Variants in KDM1A observed in about 807,000 individuals in gnomAD.
KDM1A encodes lysine-specific histone demethylase 1A.
Under a neutral mutation model 109.4 loss-of-function variants are expected in KDM1A, and 49 were observed. The ratio of observed to expected loss-of-function variants is 0.45; its 90% CI spans 0.36 to 0.57. The LOEUF is 0.57. Ranked by LOEUF, KDM1A falls within the 20% of genes least tolerant of loss-of-function variation. The probability of loss-of-function intolerance (pLI) is 0.00; values close to 1 mark genes in which losing one functional copy is unlikely to be tolerated. For synonymous variants in KDM1A, 380 were observed against 415.4 expected, an observed-to-expected ratio of 0.91 and a Z score of 1.04; for missense variants, 668 against 1,116.6, an observed-to-expected ratio of 0.60 and a Z score of 5.73.
intron 1 of KDM1A, among the ~76,000 whole-genome samples, chr1:23,022,255 G>A (rs533115569): frequency 2.8e-4 from 43 of 151,778 alleles, no homozygotes; most frequent in Non-Finnish European, 5.4e-4. Context: ...GTTTCCCATA[G>A]CAGCTGCACC....
Position 23,069,156 on chromosome 1 carries a change from A to T in KDM1A, c.1413+5A>T. ...TTGAAAGAACTTCTTAATAAGGTGA[A>T]ATTCTGTATTTTCTTCATAGCTGAA... On this transcript the variant is annotated splice_donor_5th_base_variant and intron_variant, in intron 12 of 20. Coordinates refer to ENST00000400181, the MANE Select transcript of KDM1A (RefSeq NM_001009999.3). 1 of 1,549,880 alleles carries T rather than the reference A, an allele frequency of 6.5e-7. No individual in the cohort carries two copies. Among genetic ancestry groups the T allele is most frequent in the Non-Finnish European group, 8.9e-7 (1 of 1,128,094 alleles).
intron 9 of KDM1A, among the ~76,000 whole-genome samples, chr1:23,061,300 G>A (rs914632963): frequency 2.0e-5 from 3 of 152,108 alleles, no homozygotes; most frequent in African/African-American, 4.8e-5. Context: ...AAAGTGGTGC[G>A]TTGATTTATC....
At chr1:23,078,892 T>A in intron 16 of KDM1A, 98 bp from the exon 17 acceptor site, 1 of 1,072,784 alleles carries the variant, frequency 9.3e-7, no homozygotes, top group African/African-American at 1.6e-5. Context: ...AAAATGAGAA[T>A]TGAGAAATGG....
At chr1:23,052,871 A>G (rs1642712318) in intron 4 of KDM1A, among the ~76,000 whole-genome samples, 1 of 152,106 alleles carries the variant, frequency 6.6e-6, no homozygotes, top group Admixed American at 6.6e-5. Context: ...AACCCTTCTC[A>G]ATGCATTTGA....
At chr1:23,027,413 C>CTTT (rs34416518) in intron 1 of KDM1A, among the ~76,000 whole-genome samples, 58 of 115,294 alleles carry the variant, frequency 5.0e-4, no homozygotes, top group Middle Eastern at 5.0e-3. Flanking sequence ...GTTTTGTTTG[C>CTTT]TTTTTTTTTT....
chr1:23,037,069 G>A (rs573164774), intron 2 of KDM1A, among the ~76,000 whole-genome samples: 21 of 152,014 alleles, frequency 1.4e-4, no homozygotes, highest in Non-Finnish European at 2.8e-4. Flanking sequence ...TTGAGGCCAG[G>A]AGTTTGAGAC....
At position 23,019,559 on chromosome 1, in the gene KDM1A, AGCGGCCCCTACGGCCGTCG is replaced by A. The variant is rs760836758; in HGVS notation, c.-30_-12del. The A allele has an allele frequency of 2.9e-6, 4 of 1,380,700 alleles. No individual in the cohort carries two copies. Among genetic ancestry groups the A allele is most frequent in the Admixed American group, 6.1e-5 (2 of 32,628 alleles). The allele number at this position is 1,380,700 out of a possible 1,614,324, so 85.5% of individuals were successfully genotyped here. A position where few individuals can be genotyped will look rare whatever the true frequency, so the allele number is the denominator to read the frequency against. ...TTCGGACCCACGGAGCGACAGAGCGAGCGGCCCCTACGGCCGTCGGCGGCCCGGCGGCCCGAGATGTTAT... is the reference window on the plus strand; with the variant it reads ...TTCGGACCCACGGAGCGACAGAGCGAGCGGCCCGGCGGCCCGAGATGTTAT... On this transcript the variant is annotated 5_prime_UTR_variant, in exon 1 of 21. Coordinates refer to ENST00000400181, the MANE Select transcript of KDM1A (RefSeq NM_001009999.3).
At position 23,057,488 on chromosome 1, in the gene KDM1A, G is replaced by A. The variant is rs1473243412; in HGVS notation, c.995G>A (p.Arg332His). 6.2e-6 allele frequency: 10 copies of A among 1,613,422 alleles called. No individual in the cohort carries two copies. The highest frequency in any genetic ancestry group is 5.0e-5 in the Admixed American group (3 of 59,958). The change falls in exon 8 of 21, where the codon CGT becomes CAT. Residue 332 changes from arginine (R) to histidine (H), a missense_variant. By Grantham distance (29) the Arg-to-His change is conservative. Around this residue, in one of 8 missense-constraint regions of KDM1A, gnomAD observed 53 missense variants for 122.5 expected, o/e 0.43. Transcript: ENST00000400181. ...GCTACTTAATTTCTGAAACAGGATC[G>A]TGTGGGTGGACGAGTTGCCACATTT... ...MDVTLLEARDRVGGRVATFRK... is the reference protein window; with the variant it reads ...MDVTLLEARDHVGGRVATFRK...
chr1:23,043,580 T>C (rs1642415060), intron 2 of KDM1A, among the ~76,000 whole-genome samples: 1 of 152,234 alleles, frequency 6.6e-6, no homozygotes, highest in African/African-American at 2.4e-5. Context: ...TCCTATAGTG[T>C]ACCAGGTGAC....
chr1:23,027,643 T>G (rs990106048), intron 1 of KDM1A, among the ~76,000 whole-genome samples: 2 of 151,550 alleles, frequency 1.3e-5, no homozygotes, highest in African/African-American at 4.8e-5. Context: ...TAGGCTGGTC[T>G]AGAAGTGGGC....
intron 9 of KDM1A, 181 bp downstream of exon 9, chr1:23,059,348 A>T: frequency 1.4e-6 from 1 of 694,832 alleles, no homozygotes; most frequent in Non-Finnish European, 2.7e-6. Context: ...GCTATGTAGG[A>T]AAGGATTATT....
At chr1:23,042,437 ATTATT>A (rs1642364595) in intron 2 of KDM1A, among the ~76,000 whole-genome samples, 1 of 31,148 alleles carries the variant, frequency 3.2e-5, no homozygotes, top group African/African-American at 1.1e-4. Flanking sequence ...TATGAAATAT[ATTATT>A]TTTTTTTTTT....
rs1017415552 is a variant in KDM1A at position 23,079,302 on chromosome 1, G to A, written c.2055+125G>A. On this transcript the variant is annotated intron_variant, in intron 17 of 20. Transcript: ENST00000400181. The surrounding 1 kb of genome is among the most constrained non-coding windows in gnomAD (Gnocchi z 5.6). ...GGCTATGCTCCCAATTGTGACATCA[G>A]GGCTGAGGCGTGTCAGTTGATTCTC... 2.3e-5 allele frequency: 20 copies of A among 871,626 alleles called. No individual in the cohort carries two copies. The East Asian group carries it at 3.1e-4, about 13-fold the overall frequency. 54.0% of individuals were successfully genotyped at this position (871,626 alleles called of 1,614,324 possible). A position where few individuals can be genotyped will look rare whatever the true frequency, so the allele number is the denominator to read the frequency against.
At chr1:23,038,737 G>T (rs1209567758) in intron 2 of KDM1A, among the ~76,000 whole-genome samples, 2 of 152,194 alleles carry the variant, frequency 1.3e-5, no homozygotes, top group Non-Finnish European at 2.9e-5. Context: ...CATATCTGTG[G>T]TGTTATTGTT....
At chr1:23,062,854 C>T (rs1211335760) in intron 9 of KDM1A, among the ~76,000 whole-genome samples, 1 of 152,110 alleles carries the variant, frequency 6.6e-6, no homozygotes, top group Non-Finnish European at 1.5e-5. Context: ...TAGAAGGGAT[C>T]TCCACTACCT....
intron 20 of KDM1A, 49 bp downstream of exon 20, chr1:23,082,415 C>A: frequency 1.4e-6 from 2 of 1,475,120 alleles, no homozygotes; most frequent in Non-Finnish European, 1.8e-6. Flanking sequence ...AGGCCAGGAT[C>A]TCATGATGTC....
intron 7 of KDM1A, among the ~76,000 whole-genome samples, chr1:23,057,009 T>C (rs898146673): frequency 6.6e-6 from 1 of 152,064 alleles, no homozygotes; most frequent in African/African-American, 2.4e-5. Flanking sequence ...GGAGAACCAT[T>C]TGTCAGAAAA....
At chr1:23,054,144 T>G (rs748396204) in intron 5 of KDM1A, among the ~76,000 whole-genome samples, 30 of 152,186 alleles carry the variant, frequency 2.0e-4, no homozygotes, top group Admixed American at 8.5e-4. Flanking sequence ...GGTTTTCTTA[T>G]TTCAGACTTG....
chr1:23,020,198 G>T, intron 1 of KDM1A: 2 of 395,926 alleles, frequency 5.1e-6, no homozygotes, highest in South Asian at 8.0e-5. Flanking sequence ...ATTGCTGGGA[G>T]GGGTATTTTA....
Sources: allele counts gnomAD v4.1 joint callset (sites outside exome capture counted in the v4.1 genomes callset), GRCh38; gene constraint gnomAD v4.1.1; regional missense constraint gnomAD v4.1.1; non-coding constraint Gnocchi (gnomAD v3.1); transcripts MANE v1.5; gene names NCBI Gene and HGNC (gene_info 2026-07-23, HGNC 2026-07-21).